The following CCDC3 variants were observed in gnomAD, a reference collection of about 807,000 sequenced individuals.
The protein encoded by CCDC3 is coiled-coil domain-containing protein 3.
CCDC3 carries 24 observed loss-of-function variants against 21.4 expected under a neutral mutation model. The ratio of observed to expected loss-of-function variants is 1.12; its 90% CI spans 0.81 to 1.58. The LOEUF is 1.58. Among genes scored for constraint, CCDC3 ranks in the 40% most tolerant of loss-of-function variants. CCDC3 has a pLI of 0.00. For synonymous variants in CCDC3, 186 were observed against 166.0 expected (o/e 1.12, Z -0.93); for missense variants, 425 against 360.9 (o/e 1.18, Z -1.44).
intron 2 of CCDC3, among the ~76,000 whole-genome samples, chr10:12,985,007 C>A (rs775478244): frequency 6.6e-6 from 1 of 152,144 alleles, no homozygotes; most frequent in Non-Finnish European, 1.5e-5. Flanking sequence ...TGTGGATATA[C>A]TGAAAACCAC....
chr10:13,045,179 T>A (rs1238426272), intron 5 of CCDC3, among the ~76,000 whole-genome samples: 1 of 152,228 alleles, frequency 6.6e-6, no homozygotes, highest in Non-Finnish European at 1.5e-5. Context: ...GAAATTCTTT[T>A]ATTGACCACT....
chr10:12,990,000 A>C (rs1005323823), intron 2 of CCDC3, among the ~76,000 whole-genome samples: 8 of 151,894 alleles, frequency 5.3e-5, no homozygotes, highest in East Asian at 1.9e-4. Flanking sequence ...CGCCTGTAAT[A>C]CCAGCACTTT....
chr10:12,943,769 C>T (rs924940537), intron 2 of CCDC3, among the ~76,000 whole-genome samples: 15 of 152,156 alleles, frequency 9.9e-5, no homozygotes, highest in African/African-American at 3.6e-4. Flanking sequence ...GTGCATTTCG[C>T]CACAGATGAG....
chr10:12,994,757 G>A (rs898773098), intron 2 of CCDC3, among the ~76,000 whole-genome samples: 19 of 152,106 alleles, frequency 1.2e-4, no homozygotes, highest in African/African-American at 4.3e-4. Context: ...AAAAAGAAAC[G>A]CTTAAAGTTT....
chr10:12,973,413 A>G (rs1021883061), intron 2 of CCDC3, among the ~76,000 whole-genome samples: 3 of 152,154 alleles, frequency 2.0e-5, no homozygotes, highest in Admixed American at 1.3e-4. Context: ...AGCAATGGAA[A>G]TGGGTCAAAA....
At position 13,050,900 on chromosome 10, in the gene CCDC3, C is replaced by T. The variant is rs535482247; in HGVS notation, c.-269-959G>A. Among the ~76,000 whole-genome samples, 77 of 152,242 alleles carry T rather than the reference C, an allele frequency of 5.1e-4. 1 individual carries two copies. In the East Asian group the frequency reaches 0.014, roughly 28 times the overall value. On this transcript the variant is annotated intron_variant, in intron 4 of 6. Transcript: ENST00000378839. ...CTCCTGGGCTCAAGTGATCCTCCCACCCCAGCCTCCTGAGTAGCTGAGACT... is the reference window on the plus strand; with the variant it reads ...CTCCTGGGCTCAAGTGATCCTCCCATCCCAGCCTCCTGAGTAGCTGAGACT...
At chr10:12,915,009 C>T (rs1478686025) in intron 2 of CCDC3, among the ~76,000 whole-genome samples, 1 of 152,094 alleles carries the variant, frequency 6.6e-6, no homozygotes, top group Admixed American at 6.6e-5. Flanking sequence ...TTTGCTGCAT[C>T]CCGTAAGTTT....
chr10:13,084,225 C>T (rs375538227), intron 3 of CCDC3, among the ~76,000 whole-genome samples: 35 of 151,926 alleles, frequency 2.3e-4, no homozygotes, highest in South Asian at 6.2e-4. Flanking sequence ...CTTCTGCCTT[C>T]GGGAACGCCC....
chr10:13,042,148 C>T (rs562076651), intron 5 of CCDC3, among the ~76,000 whole-genome samples: 213 of 152,356 alleles, frequency 1.4e-3, no homozygotes, highest in Admixed American at 4.1e-3. Context: ...CCGTTTCCTG[C>T]TGTGTGATCC....
In CCDC3 at chr10:13,056,981, A is replaced by C. The variant is rs148344731; in HGVS notation, c.-269-7040T>G. On this transcript the variant is annotated intron_variant, in intron 4 of 6. Transcript: ENST00000378839. ...CCCACTTTGCCATTATCTGGGCTGC[A>C]GTTTCCTTAGTTCTAAAATGAGGGG... Among the ~76,000 whole-genome samples the C allele has an allele frequency of 4.1e-3, 630 of 152,282 alleles. 7 individuals are homozygous for C. The highest frequency in any genetic ancestry group is 0.015 in the African/African-American group (612 of 41,558).
At position 12,982,391 on chromosome 10, in the gene CCDC3, C is replaced by T. The variant is rs185027691; in HGVS notation, c.549+15947G>A. ...GCAACAAAACAGAGTTTCAGTCATGCAAGATGAAAAAGTTCTAGAAATCCG... is the reference window on the plus strand; with the variant it reads ...GCAACAAAACAGAGTTTCAGTCATGTAAGATGAAAAAGTTCTAGAAATCCG... On this transcript the variant is annotated intron_variant, in intron 2 of 2. Transcript: ENST00000378825. Among the ~76,000 whole-genome samples, 33 of 151,868 alleles carry T rather than the reference C, an allele frequency of 2.2e-4. No individual in the cohort carries two copies. The East Asian group carries it at 4.3e-3, about 20-fold the overall frequency.
intron 2 of CCDC3, among the ~76,000 whole-genome samples, chr10:12,946,556 G>T (rs1318174790): frequency 6.6e-6 from 1 of 152,110 alleles, no homozygotes; most frequent in Non-Finnish European, 1.5e-5. Context: ...TTTGCTTCCT[G>T]TTCGGCCTAG....
intron 2 of CCDC3, among the ~76,000 whole-genome samples, chr10:12,940,652 C>G (rs1053725821): frequency 2.6e-5 from 4 of 151,722 alleles, no homozygotes; most frequent in African/African-American, 7.3e-5. Flanking sequence ...CTGGTGGTAC[C>G]GAGCAAGAAG....
At chr10:13,049,218 G>A (rs552581627) in intron 5 of CCDC3, among the ~76,000 whole-genome samples, 7 of 152,310 alleles carry the variant, frequency 4.6e-5, no homozygotes, top group Non-Finnish European at 8.8e-5. Context: ...GGTGAATAAG[G>A]AGATCAGTTA....
At chr10:12,906,854 C>T (rs953088329) in intron 2 of CCDC3, among the ~76,000 whole-genome samples, 1 of 152,214 alleles carries the variant, frequency 6.6e-6, no homozygotes, top group Admixed American at 6.5e-5. Context: ...TTGACCTTTG[C>T]TGCTGGAACT....
At chr10:12,944,198 GA>G (rs1390852861) in intron 2 of CCDC3, among the ~76,000 whole-genome samples, 1 of 152,152 alleles carries the variant, frequency 6.6e-6, no homozygotes, top group African/African-American at 2.4e-5. Context: ...TCTCATGGGG[GA>G]AACTTGTGTT....
At position 13,071,375 on chromosome 10, in the gene CCDC3, G is replaced by A. The variant is rs1836880612; in HGVS notation, c.-270+2493C>T. ...AGCCCTAGGAAAGAAAACTGGATCT[G>A]AGGAATCCAGAGACAGATGATAATG... On this transcript the variant is annotated intron_variant, in intron 4 of 6. Transcript: ENST00000378839. Among the ~76,000 whole-genome samples the A allele has an allele frequency of 2.0e-5, 3 of 152,316 alleles. No homozygotes were observed. The South Asian group carries it at 6.2e-4, about 32-fold the overall frequency.
chr10:12,982,866 A>G (rs1412069216), intron 2 of CCDC3, among the ~76,000 whole-genome samples: 1 of 147,914 alleles, frequency 6.8e-6, no homozygotes, highest in Non-Finnish European at 1.5e-5. Flanking sequence ...TAATAACAGC[A>G]CTTTGGGTGG....
At chr10:12,952,816 G>A (rs1210483791) in intron 2 of CCDC3, among the ~76,000 whole-genome samples, 2 of 152,098 alleles carry the variant, frequency 1.3e-5, no homozygotes, top group Admixed American at 1.3e-4. Context: ...CTCAACCTCT[G>A]CTGAGTAAAT....
Sources: gnomAD v4.1 joint callset for allele counts (sites outside exome capture counted in the v4.1 genomes callset) on GRCh38, gnomAD v4.1.1 for gene constraint, MANE v1.5 for transcripts, NCBI Gene and HGNC (gene_info 2026-07-23, HGNC 2026-07-21) for gene names.